PLXDC2: variants seen among roughly 807,000 people sequenced by gnomAD.
The protein encoded by PLXDC2 is plexin domain containing 2, also known as plexin domain-containing protein 2.
PLXDC2 carries 40 observed loss-of-function variants against 68.9 expected under a neutral mutation model. The observed-to-expected ratio is 0.58, with a 90% CI of 0.45 to 0.76. The LOEUF (loss-of-function observed/expected upper bound fraction) is 0.76, where lower values mean the gene tolerates loss of function less well. PLXDC2 is among the 30% of genes least tolerant of loss of function. The probability of loss-of-function intolerance (pLI) is 0.00; values close to 1 mark genes in which losing one functional copy is unlikely to be tolerated. For missense variants in PLXDC2, 644 were observed against 661.9 expected (o/e 0.97, Z 0.30); for synonymous variants, 243 against 234.2 (o/e 1.04, Z -0.34).
intron 1 of PLXDC2, among the ~76,000 whole-genome samples, chr10:19,957,811 T>C (rs1834095304): frequency 6.6e-6 from 1 of 152,182 alleles, no homozygotes; most frequent in Non-Finnish European, 1.5e-5. Flanking sequence ...TGTACCAATT[T>C]ACATTCTGCT....
chr10:19,841,093 C>G (rs144121498), intron 1 of PLXDC2, among the ~76,000 whole-genome samples: 2 of 152,126 alleles, frequency 1.3e-5, no homozygotes, highest in Non-Finnish European at 1.5e-5. Flanking sequence ...TTTGATTAGC[C>G]GAACCATGGA....
At chr10:20,205,517 A>G (rs1834979387) in intron 9 of PLXDC2, among the ~76,000 whole-genome samples, 1 of 152,120 alleles carries the variant, frequency 6.6e-6, no homozygotes, top group African/African-American at 2.4e-5. Context: ...ATTCTATGAT[A>G]TTAGTTCCCA....
Position 20,164,573 on chromosome 10 carries a change from TAGA to T in PLXDC2, c.883+12_883+14del, listed in dbSNP as rs749357410. ...CAGGATCCAACAAATTCCCAGTACG[TAGA>T]AGAAGGGCAGTCGCAATGAGTGAGC... is the stretch of plus-strand genomic sequence containing the variant. On this transcript the variant is annotated splice_region_variant and intron_variant, in intron 7 of 13. Transcript: ENST00000377252. 5.0e-6 allele frequency: 8 copies of T among 1,602,448 alleles called. No individual in the cohort carries two copies. The highest frequency in any genetic ancestry group is 1.3e-5 in the African/African-American group (1 of 74,730).
At chr10:20,229,278 G>A (rs2131876276) in intron 12 of PLXDC2, among the ~76,000 whole-genome samples, 1 of 152,176 alleles carries the variant, frequency 6.6e-6, no homozygotes, top group African/African-American at 2.4e-5. Flanking sequence ...AATATGGTGA[G>A]AGTGAGTGGG....
intron 4 of PLXDC2, among the ~76,000 whole-genome samples, chr10:20,140,423 A>ATCTATCTC (rs1833988730): frequency 6.7e-6 from 1 of 148,938 alleles, no homozygotes; most frequent in Non-Finnish European, 1.5e-5. Flanking sequence ...CTATCTATCT[A>ATCTATCTC]TCTATCTATC....
chr10:19,887,750 A>G (rs968807746), intron 1 of PLXDC2, among the ~76,000 whole-genome samples: 49 of 152,206 alleles, frequency 3.2e-4, no homozygotes, highest in African/African-American at 1.2e-3. Context: ...CATAGACAGT[A>G]TTTCCTTCTG....
chr10:19,975,715 T>A (rs761983225), intron 1 of PLXDC2, among the ~76,000 whole-genome samples: 14 of 152,222 alleles, frequency 9.2e-5, no homozygotes, highest in Non-Finnish European at 1.9e-4. Flanking sequence ...ATTTACTGTC[T>A]GATTTTGGTA....
chr10:20,276,135 T>G (rs775585361), intron 13 of PLXDC2, among the ~76,000 whole-genome samples: 2 of 152,084 alleles, frequency 1.3e-5, no homozygotes, highest in Non-Finnish European at 2.9e-5. Flanking sequence ...GCTTGACAAG[T>G]GCCATTATGT....
intron 2 of PLXDC2, among the ~76,000 whole-genome samples, chr10:20,044,773 T>A (rs1330857477): frequency 6.6e-6 from 1 of 152,146 alleles, no homozygotes; most frequent in Non-Finnish European, 1.5e-5. Flanking sequence ...TCTCAGTAAT[T>A]GCTCCTTCTT....
At chr10:19,845,259 T>C (rs977671720) in intron 1 of PLXDC2, among the ~76,000 whole-genome samples, 2 of 152,076 alleles carry the variant, frequency 1.3e-5, no homozygotes, top group African/African-American at 4.8e-5. Context: ...AATAAACGTG[T>C]AGGATTTGTT....
At chr10:20,142,935 A>G (rs1168756845) in intron 4 of PLXDC2, among the ~76,000 whole-genome samples, 1 of 152,104 alleles carries the variant, frequency 6.6e-6, no homozygotes, top group Non-Finnish European at 1.5e-5. Context: ...GTGGTAAGCT[A>G]TTGTTAAAAT....
intron 1 of PLXDC2, among the ~76,000 whole-genome samples, chr10:19,854,054 A>AC (rs1292545614): frequency 6.6e-6 from 1 of 151,622 alleles, no homozygotes; most frequent in African/African-American, 2.4e-5. Flanking sequence ...CTGGCCCTTG[A>AC]CCCCCCGGGG....
rs142520907 is a variant in PLXDC2, at chr10:19,967,423, C to G, written c.113-34352C>G. Among the ~76,000 whole-genome samples the G allele has an allele frequency of 1.6e-3, 237 of 152,132 alleles. 1 individual carries two copies. The highest frequency in any genetic ancestry group is 5.4e-3 in the African/African-American group (225 of 41,492). On this transcript the variant is annotated intron_variant, in intron 1 of 13. Transcript: ENST00000377252. Reference sequence around the variant, plus strand: ...AAATCAAAAGAAAGTAACAAAATGGCCTCAAAACACAGTATTATTTAGTTA... The same window carrying G: ...AAATCAAAAGAAAGTAACAAAATGGGCTCAAAACACAGTATTATTTAGTTA...
chr10:19,942,809 T>G (rs1309105041), intron 1 of PLXDC2, among the ~76,000 whole-genome samples: 1 of 152,062 alleles, frequency 6.6e-6, no homozygotes, highest in East Asian at 1.9e-4. Context: ...AAACAAATAA[T>G]TGGGTTCTTC....
chr10:19,878,381 C>T (rs1837672495), intron 1 of PLXDC2, among the ~76,000 whole-genome samples: 1 of 151,972 alleles, frequency 6.6e-6, no homozygotes, highest in African/African-American at 2.4e-5. Context: ...AAAATAAAAG[C>T]TTATTGCCAT....
intron 1 of PLXDC2, among the ~76,000 whole-genome samples, chr10:19,827,584 A>G (rs981097730): frequency 1.3e-5 from 2 of 149,772 alleles, no homozygotes; most frequent in African/African-American, 4.9e-5. Flanking sequence ...TTTTTAAGAC[A>G]GAGTCTCACT....
chr10:20,012,298 TCTCTC>T (rs1335021713), intron 2 of PLXDC2, among the ~76,000 whole-genome samples: 11 of 122,064 alleles, frequency 9.0e-5, no homozygotes, highest in African/African-American at 1.6e-4. Flanking sequence ...TCTCTCTCTC[TCTCTC>T]TTTTTTATTT....
At chr10:19,879,196 A>G (rs1463307367) in intron 1 of PLXDC2, among the ~76,000 whole-genome samples, 1 of 152,188 alleles carries the variant, frequency 6.6e-6, no homozygotes, top group African/African-American at 2.4e-5. Flanking sequence ...AAGACCCTGA[A>G]AACGACAACT....
At chr10:20,125,100 TC>T (rs961240838) in intron 4 of PLXDC2, among the ~76,000 whole-genome samples, 1 of 151,796 alleles carries the variant, frequency 6.6e-6, no homozygotes, top group African/African-American at 2.4e-5. Context: ...AACAGCTACC[TC>T]CCCCAGCTTG....
Sources: allele counts gnomAD v4.1 joint callset (sites outside exome capture counted in the v4.1 genomes callset), GRCh38; gene constraint gnomAD v4.1.1; transcripts MANE v1.5; gene names NCBI Gene and HGNC (gene_info 2026-07-23, HGNC 2026-07-21).